Variants in ANKRD44 observed in about 807,000 individuals in gnomAD.
ANKRD44 encodes the protein ankyrin repeat domain 44.
In ANKRD44, 35 loss-of-function variants were observed where a neutral mutation model predicts 116.0. That is an observed-to-expected ratio of 0.30 (90% CI 0.23 to 0.40). The LOEUF (loss-of-function observed/expected upper bound fraction) is 0.40, where lower values mean the gene tolerates loss of function less well. Among genes scored for constraint, ANKRD44 ranks in the 10% least tolerant of loss-of-function variants. The pLI is 1.00. For missense variants in ANKRD44, 1,014 were observed against 1,242.6 expected (o/e 0.82, Z 2.77); for synonymous variants, 435 against 461.8 (o/e 0.94, Z 0.74).
intron 4 of ANKRD44, 61 bp from the exon 5 acceptor site, chr2:197,126,098 GT>G: frequency 1.9e-6 from 3 of 1,556,976 alleles, no homozygotes; most frequent in Non-Finnish European, 1.8e-6. Flanking sequence ...ACTTACTGGT[GT>G]AAGATGCTTC....
At chr2:197,029,984 G>A in intron 16 of ANKRD44, 1 of 170,990 alleles carries the variant, frequency 5.8e-6, no homozygotes, top group South Asian at 1.4e-4. Flanking sequence ...GTTTTTGTTG[G>A]TGCAAACAAG....
intron 1 of ANKRD44, among the ~76,000 whole-genome samples, chr2:197,208,055 T>TA (rs1455584328): frequency 6.6e-6 from 1 of 152,216 alleles, no homozygotes; most frequent in African/African-American, 2.4e-5. Context: ...GATGAACTTT[T>TA]AAAAAATCAC....
intron 9 of ANKRD44, among the ~76,000 whole-genome samples, chr2:197,102,697 C>T (rs1422574757): frequency 1.3e-5 from 2 of 151,954 alleles, no homozygotes; most frequent in East Asian, 1.9e-4. Flanking sequence ...ACCATATACA[C>T]ATATGTATAT....
intron 16 of ANKRD44, among the ~76,000 whole-genome samples, chr2:197,055,332 T>C (rs2077183129): frequency 6.6e-6 from 1 of 152,218 alleles, no homozygotes; most frequent in Admixed American, 6.5e-5. Context: ...ATATGTTCTG[T>C]AGGAGTTCTT....
intron 1 of ANKRD44, among the ~76,000 whole-genome samples, chr2:197,267,500 G>A (rs1486983302): frequency 6.6e-6 from 1 of 152,164 alleles, no homozygotes; most frequent in African/African-American, 2.4e-5. Flanking sequence ...ATGATCCTTA[G>A]ACTTTGCCAC....
chr2:197,297,268 T>C (rs2105897412), intron 1 of ANKRD44, among the ~76,000 whole-genome samples: 1 of 152,330 alleles, frequency 6.6e-6, no homozygotes, highest in South Asian at 2.1e-4. Flanking sequence ...TACCGAAGTA[T>C]GGAAATTCCA....
intron 2 of ANKRD44, among the ~76,000 whole-genome samples, chr2:197,164,305 C>T (rs1017356461): frequency 1.3e-5 from 2 of 152,220 alleles, no homozygotes; most frequent in African/African-American, 4.8e-5. Context: ...CGGTTCTTGA[C>T]CCCTCTCTGG....
intron 2 of ANKRD44, among the ~76,000 whole-genome samples, chr2:197,166,421 A>G (rs1021963654): frequency 3.3e-5 from 5 of 152,328 alleles, no homozygotes; most frequent in African/African-American, 9.6e-5. Context: ...ATGAGTAAGG[A>G]TCCCTGTTCT....
chr2:197,041,263 A>G (rs1300065097), intron 16 of ANKRD44, among the ~76,000 whole-genome samples: 1 of 152,166 alleles, frequency 6.6e-6, no homozygotes, highest in East Asian at 1.9e-4. Flanking sequence ...CTGAGAAATC[A>G]TAGGCTCCTC....
At chr2:197,186,617 T>G in intron 2 of ANKRD44, among the ~76,000 whole-genome samples, 1 of 11,142 alleles carries the variant, frequency 9.0e-5, no homozygotes, top group Non-Finnish European at 1.7e-4. Context: ...TTTTTCTTTT[T>G]TTTTTTTTTT....
rs551001000 is a variant in ANKRD44 at position 196,996,416 on chromosome 2, T to C, written c.2749-955A>G. ...AATGGCTGAGACTACTGGTACCATATAGGTAACACTGATAATATTTTAACT... is the reference window on the plus strand; with the variant it reads ...AATGGCTGAGACTACTGGTACCATACAGGTAACACTGATAATATTTTAACT... On this transcript the variant is annotated intron_variant, in intron 25 of 27. Transcript: ENST00000282272. Among the ~76,000 whole-genome samples, 5 of 152,288 alleles carry C rather than the reference T, an allele frequency of 3.3e-5. No individual in the cohort carries two copies. The East Asian group carries it at 5.8e-4, about 18-fold the overall frequency.
intron 1 of ANKRD44, among the ~76,000 whole-genome samples, chr2:197,234,922 G>A (rs951844484): frequency 6.6e-6 from 1 of 152,134 alleles, no homozygotes; most frequent in Non-Finnish European, 1.5e-5. Context: ...AGCCTTTTAA[G>A]AAGAGGCTGA....
Position 197,212,437 on chromosome 2 carries a change from G to C in ANKRD44, c.28-25331C>G, listed in dbSNP as rs183705017. 2.0e-3 allele frequency among the ~76,000 whole-genome samples: 308 copies of C among 152,240 alleles called. 2 individuals are homozygous for C. Among genetic ancestry groups the C allele is most frequent in the African/African-American group, 6.9e-3 (288 of 41,536 alleles). Reference sequence around the variant, plus strand: ...TATCTAGTCAGTCCATTGTTGCCTAGACAAAGGCAAATTCTCAGGAATCTA... The same window carrying C: ...TATCTAGTCAGTCCATTGTTGCCTACACAAAGGCAAATTCTCAGGAATCTA... On this transcript the variant is annotated intron_variant, in intron 1 of 27. Coordinates refer to ENST00000282272, the MANE Select transcript of ANKRD44 (RefSeq NM_001195144.2). The surrounding 1 kb of genome is among the most constrained non-coding windows in gnomAD (Gnocchi z 4.8).
intron 1 of ANKRD44, among the ~76,000 whole-genome samples, chr2:197,197,485 T>A (rs2080978470): frequency 1.3e-5 from 2 of 152,216 alleles, no homozygotes; most frequent in Non-Finnish European, 2.9e-5. Flanking sequence ...AAAGATGTAT[T>A]AAGCATAAGA....
intron 1 of ANKRD44, among the ~76,000 whole-genome samples, chr2:197,214,765 C>A (rs1246391011): frequency 1.3e-5 from 2 of 152,184 alleles, no homozygotes; most frequent in South Asian, 2.1e-4. Flanking sequence ...CCAGCAGCAA[C>A]AACAGAAGCA....
chr2:197,226,545 T>C (rs1397161117), intron 1 of ANKRD44, among the ~76,000 whole-genome samples: 1 of 152,068 alleles, frequency 6.6e-6, no homozygotes, highest in Non-Finnish European at 1.5e-5. Context: ...ACGCCTGTAG[T>C]CCCAGCTACT....
At chr2:197,248,280 C>G (rs1471998390) in intron 1 of ANKRD44, among the ~76,000 whole-genome samples, 2 of 151,270 alleles carry the variant, frequency 1.3e-5, no homozygotes, top group African/African-American at 4.9e-5. Flanking sequence ...CAGTTAAAAA[C>G]CTGAATAGAA....
intron 17 of ANKRD44, among the ~76,000 whole-genome samples, chr2:197,019,836 G>A (rs542507303): frequency 7.4e-5 from 11 of 148,424 alleles, no homozygotes; most frequent in African/African-American, 2.2e-4. Context: ...TCATTCCGTC[G>A]CCCAGGCTGG....
At chr2:197,031,304 T>G (rs539916029) in intron 16 of ANKRD44, among the ~76,000 whole-genome samples, 1 of 152,328 alleles carries the variant, frequency 6.6e-6, no homozygotes, top group South Asian at 2.1e-4. Context: ...ATTTTCTTCT[T>G]TATATTTCCA....
Sources: allele counts gnomAD v4.1 joint callset (sites outside exome capture counted in the v4.1 genomes callset), GRCh38; gene constraint gnomAD v4.1.1; non-coding constraint Gnocchi (gnomAD v3.1); transcripts MANE v1.5; gene names NCBI Gene and HGNC (gene_info 2026-07-23, HGNC 2026-07-21).